The following ASH1L variants were observed in gnomAD, a reference collection of about 807,000 sequenced individuals.
The protein encoded by ASH1L is ASH1 like histone lysine methyltransferase.
In ASH1L, 23 loss-of-function variants were observed where a neutral mutation model predicts 269.0. That is an observed-to-expected ratio of 0.09 (90% CI 0.06 to 0.12). The LOEUF is 0.12. Among genes scored for constraint, ASH1L ranks in the 10% least tolerant of loss-of-function variants. ASH1L has a pLI of 1.00. For missense variants in ASH1L, 2,912 were observed against 3,567.8 expected, an observed-to-expected ratio of 0.82 and a Z score of 4.68; for synonymous variants, 1,187 against 1,253.5, an observed-to-expected ratio of 0.95 and a Z score of 1.12.
At chr1:155,433,047 T>A in intron 5 of ASH1L, 1 of 1,028,662 alleles carries the variant, frequency 9.7e-7, no homozygotes, top group Non-Finnish European at 1.4e-6. Flanking sequence ...GCAGAAATCA[T>A]CCTCCTTGTC....
chr1:155,433,036 G>A (rs1251220944), intron 5 of ASH1L: 1 of 972,512 alleles, frequency 1.0e-6, no homozygotes, highest in Admixed American at 3.0e-5. Context: ...CTACAGTAAA[G>A]GCAGAAATCA....
At chr1:155,509,803 G>GATA (rs552179671) in intron 2 of ASH1L, among the ~76,000 whole-genome samples, 93 of 150,990 alleles carry the variant, frequency 6.2e-4, no homozygotes, top group African/African-American at 1.0e-3. Context: ...CATCTCAAAT[G>GATA]ATAATAATAA....
At chr1:155,441,891 G>C (rs868272517) in intron 4 of ASH1L, among the ~76,000 whole-genome samples, 23 of 151,600 alleles carry the variant, frequency 1.5e-4, no homozygotes, top group African/African-American at 5.1e-4. Context: ...TCAGCCTCCT[G>C]AGTAGCTGGG....
intron 2 of ASH1L, among the ~76,000 whole-genome samples, chr1:155,515,175 A>G (rs1257631834): frequency 1.3e-5 from 2 of 152,174 alleles, no homozygotes; most frequent in African/African-American, 4.8e-5. Flanking sequence ...GCCAGCACTG[A>G]TCAACAAAAA....
At chr1:155,527,441 A>G (rs1395426880) in intron 1 of ASH1L, among the ~76,000 whole-genome samples, 1 of 151,956 alleles carries the variant, frequency 6.6e-6, no homozygotes, top group African/African-American at 2.4e-5. Context: ...AGAATGATCA[A>G]TTCTCAGTCC....
At chr1:155,454,561 A>G (rs1447789482) in intron 4 of ASH1L, among the ~76,000 whole-genome samples, 2 of 152,106 alleles carry the variant, frequency 1.3e-5, no homozygotes, top group African/African-American at 4.8e-5. Context: ...TGAGGTCAGG[A>G]GTTCGAGACC....
chr1:155,477,782 CAA>C (rs969343075), intron 3 of ASH1L, 102 bp downstream of exon 3: 5 of 1,124,852 alleles, frequency 4.4e-6, no homozygotes, highest in Middle Eastern at 3.3e-4. Context: ...TATTAAAAAA[CAA>C]AAAAAGATAT....
At chr1:155,434,033 G>A (rs1267918045) in intron 5 of ASH1L, 5 of 1,591,388 alleles carry the variant, frequency 3.1e-6, no homozygotes, top group South Asian at 2.3e-5. Context: ...GTGCCAGAAA[G>A]GCAAGCAATC....
intron 10 of ASH1L, 139 bp from the exon 11 acceptor site, chr1:155,371,122 T>C: frequency 1.4e-6 from 1 of 735,864 alleles, no homozygotes; most frequent in Non-Finnish European, 2.2e-6. Context: ...TCACTAAGAT[T>C]AAAATAATAA....
At chr1:155,463,232 A>G (rs773993443) in intron 3 of ASH1L, among the ~76,000 whole-genome samples, 1 of 152,162 alleles carries the variant, frequency 6.6e-6, no homozygotes, top group Non-Finnish European at 1.5e-5. Flanking sequence ...CATAATGCAG[A>G]GCAGAGTCGA....
intron 7 of ASH1L, among the ~76,000 whole-genome samples, chr1:155,392,754 G>A (rs2148477982): frequency 6.6e-6 from 1 of 152,220 alleles, no homozygotes; most frequent in African/African-American, 2.4e-5. Flanking sequence ...CTCCCAAAGT[G>A]CTGGGATTAC....
chr1:155,456,842 A>C (rs1488342395), intron 4 of ASH1L, among the ~76,000 whole-genome samples: 1 of 152,184 alleles, frequency 6.6e-6, no homozygotes, highest in Non-Finnish European at 1.5e-5. Flanking sequence ...TACACATATG[A>C]TAGACTATAA....
chr1:155,423,038 C>A (rs1162799163), intron 5 of ASH1L, among the ~76,000 whole-genome samples: 4 of 151,444 alleles, frequency 2.6e-5, no homozygotes, highest in African/African-American at 9.7e-5. Context: ...AGCTCTGCCT[C>A]CCAGGCTCAA....
intron 5 of ASH1L, among the ~76,000 whole-genome samples, chr1:155,427,812 C>G (rs1661275850): frequency 6.6e-6 from 1 of 152,176 alleles, no homozygotes; most frequent in African/African-American, 2.4e-5. Context: ...GTGGTGAGAC[C>G]TGGTGGGAGG....
In ASH1L at chr1:155,433,976, C is replaced by A. The variant is rs2148604562; in HGVS notation, c.5828+4351G>T. 3 of 1,583,052 alleles carry A rather than the reference C, an allele frequency of 1.9e-6. No individual in the cohort carries two copies. The East Asian group carries it at 6.9e-5, about 36-fold the overall frequency. On this transcript the variant is annotated intron_variant, in intron 5 of 27. Coordinates refer to ENST00000392403, the MANE Select transcript of ASH1L (RefSeq NM_018489.3). ...GCAGCAGATCAGCCACATCGCCCAG[C>A]AGCTTGGGCTCGAGAAGGATGTGGT...
intron 1 of ASH1L, among the ~76,000 whole-genome samples, chr1:155,555,483 T>C (rs1345854955): frequency 4.6e-4 from 56 of 120,628 alleles, no homozygotes; most frequent in African/African-American, 1.8e-3. Context: ...GGCAACAGAG[T>C]GAGACTCTGT....
chr1:155,437,859 T>C (rs1662225070), intron 5 of ASH1L, among the ~76,000 whole-genome samples: 1 of 152,174 alleles, frequency 6.6e-6, no homozygotes, highest in Non-Finnish European at 1.5e-5. Flanking sequence ...TTTGCTTCTT[T>C]TGTGTTTGTT....
chr1:155,415,463 C>T (rs897506157), intron 6 of ASH1L, among the ~76,000 whole-genome samples: 3 of 151,518 alleles, frequency 2.0e-5, no homozygotes, highest in African/African-American at 7.3e-5. Flanking sequence ...AGATAACCAT[C>T]AGAAAGACAA....
intron 5 of ASH1L, among the ~76,000 whole-genome samples, chr1:155,436,884 A>ATT (rs1327057006): frequency 6.6e-6 from 1 of 152,192 alleles, no homozygotes; most frequent in African/African-American, 2.4e-5. Flanking sequence ...CTACAACTTC[A>ATT]TTCTTTTGCA....
Sources: allele counts gnomAD v4.1 joint callset (sites outside exome capture counted in the v4.1 genomes callset), GRCh38; gene constraint gnomAD v4.1.1; transcripts MANE v1.5; gene names NCBI Gene and HGNC (gene_info 2026-07-23, HGNC 2026-07-21).